ATE1: variants seen among roughly 807,000 people sequenced by gnomAD.
ATE1 encodes the protein arginyltransferase 1.
ATE1 carries 36 observed loss-of-function variants against 70.5 expected under a neutral mutation model. The ratio of observed to expected loss-of-function variants is 0.51; its 90% CI spans 0.39 to 0.67. ATE1 has a LOEUF of 0.67. Among genes scored for constraint, ATE1 ranks in the 30% least tolerant of loss-of-function variants. ATE1 has a pLI of 0.00. For missense variants in ATE1, 593 were observed against 629.5 expected (o/e 0.94, Z 0.62); for synonymous variants, 232 against 219.3 (o/e 1.06, Z -0.51).
At chr10:121,920,973 G>A (rs1240314618) in intron 3 of ATE1, among the ~76,000 whole-genome samples, 8 of 150,472 alleles carry the variant, frequency 5.3e-5, no homozygotes, top group South Asian at 2.1e-4. Flanking sequence ...CAGCCCAGGC[G>A]ACAGTGCGAG....
At chr10:121,842,063 G>A (rs1434530737) in intron 8 of ATE1, among the ~76,000 whole-genome samples, 1 of 152,166 alleles carries the variant, frequency 6.6e-6, no homozygotes, top group African/African-American at 2.4e-5. Flanking sequence ...TCAGCTCTGA[G>A]AAGGTACACA....
chr10:121,761,904 G>A (rs1389164011), intron 11 of ATE1, among the ~76,000 whole-genome samples: 1 of 152,008 alleles, frequency 6.6e-6, no homozygotes, highest in Non-Finnish European at 1.5e-5. Flanking sequence ...AACTCTCTGT[G>A]ATCCCCTACT....
chr10:121,770,233 A>AACACAC (rs3036837), intron 11 of ATE1, among the ~76,000 whole-genome samples: 43,984 of 136,610 alleles, frequency 0.32, 7,291 homozygotes, highest in East Asian at 0.4. Context: ...ACAAGAGAGA[A>AACACAC]ACACACACAC....
chr10:121,766,582 A>G (rs773006401), intron 11 of ATE1, among the ~76,000 whole-genome samples: 8 of 152,136 alleles, frequency 5.3e-5, no homozygotes, highest in Non-Finnish European at 8.8e-5. Flanking sequence ...AACTCTGAAA[A>G]GCCAACACAC....
chr10:121,921,976 A>G (rs1471876067), intron 3 of ATE1, among the ~76,000 whole-genome samples: 3 of 152,228 alleles, frequency 2.0e-5, no homozygotes. Flanking sequence ...GAACACAAGC[A>G]CTGTGTCAAG....
intron 10 of ATE1, among the ~76,000 whole-genome samples, chr10:121,831,478 G>C (rs142294911): frequency 1.3e-3 from 203 of 152,222 alleles, no homozygotes; most frequent in African/African-American, 4.6e-3. Flanking sequence ...CTGCACTCGT[G>C]TCCTGCTTCC....
At chr10:121,790,993 CAT>C (rs1245631924) in intron 10 of ATE1, among the ~76,000 whole-genome samples, 34 of 146,266 alleles carry the variant, frequency 2.3e-4, no homozygotes, top group East Asian at 1.8e-3. Context: ...TGTATACATA[CAT>C]ATATGTGTAT....
intron 11 of ATE1, among the ~76,000 whole-genome samples, chr10:121,746,432 A>G (rs1014262454): frequency 6.6e-6 from 1 of 152,206 alleles, no homozygotes; most frequent in African/African-American, 2.4e-5. Flanking sequence ...TATATTCTAC[A>G]AGACTTTTGT....
chr10:121,772,397 C>T (rs994811552), intron 11 of ATE1, among the ~76,000 whole-genome samples: 1 of 152,196 alleles, frequency 6.6e-6, no homozygotes, highest in African/African-American at 2.4e-5. Context: ...GTCATGATCA[C>T]TTTAAAATGT....
chr10:121,880,010 TA>T (rs955592098), intron 7 of ATE1, among the ~76,000 whole-genome samples: 2 of 151,994 alleles, frequency 1.3e-5, no homozygotes, highest in African/African-American at 4.8e-5. Context: ...CCAAATAACA[TA>T]AATTAGGGAT....
chr10:121,905,052 C>T (rs1218692343), intron 5 of ATE1, among the ~76,000 whole-genome samples: 1 of 152,238 alleles, frequency 6.6e-6, no homozygotes, highest in Admixed American at 6.5e-5. Flanking sequence ...TGAGCACACA[C>T]ACTCTGTCTG....
chr10:121,792,532 C>A (rs1306064800), intron 10 of ATE1, among the ~76,000 whole-genome samples: 1 of 152,182 alleles, frequency 6.6e-6, no homozygotes, highest in Non-Finnish European at 1.5e-5. Flanking sequence ...CTACCACGGG[C>A]AGCTCCAGGT....
At chr10:121,871,914 A>G (rs1949875787) in intron 7 of ATE1, among the ~76,000 whole-genome samples, 2 of 152,220 alleles carry the variant, frequency 1.3e-5, no homozygotes, top group Admixed American at 1.3e-4. Flanking sequence ...GAAATTTAAA[A>G]TGCAAGCTTT....
chr10:121,765,350 G>A (rs973776339), intron 11 of ATE1, among the ~76,000 whole-genome samples: 23 of 152,090 alleles, frequency 1.5e-4, no homozygotes, highest in Admixed American at 1.0e-3. Context: ...AAGAAAATAC[G>A]TAAGAAACAC....
intron 10 of ATE1, among the ~76,000 whole-genome samples, chr10:121,820,453 G>A (rs973688583): frequency 1.3e-5 from 2 of 152,204 alleles, no homozygotes; most frequent in African/African-American, 4.8e-5. Flanking sequence ...TGGCAAATAC[G>A]TTTGATAGCA....
At chr10:121,876,902 C>A (rs999724969) in intron 7 of ATE1, among the ~76,000 whole-genome samples, 1 of 150,208 alleles carries the variant, frequency 6.7e-6, no homozygotes, top group Non-Finnish European at 1.5e-5. Context: ...GGAGGCGGAG[C>A]TTGCAGTGAG....
chr10:121,854,439 C>A (rs559006306), intron 8 of ATE1, among the ~76,000 whole-genome samples: 3 of 152,296 alleles, frequency 2.0e-5, no homozygotes, highest in Non-Finnish European at 2.9e-5. Flanking sequence ...TTCTGGAGGT[C>A]ATCCACTGAG....
At chr10:121,904,236 C>G (rs1283949124) in intron 5 of ATE1, among the ~76,000 whole-genome samples, 1 of 151,744 alleles carries the variant, frequency 6.6e-6, no homozygotes, top group African/African-American at 2.4e-5. Flanking sequence ...CCTGCCTTGG[C>G]CTCCCAAAGT....
At chr10:121,838,994 C>T (rs1948530478) in intron 9 of ATE1, among the ~76,000 whole-genome samples, 1 of 152,042 alleles carries the variant, frequency 6.6e-6, no homozygotes, top group Non-Finnish European at 1.5e-5. Flanking sequence ...AAATCAATAA[C>T]AGAATTAGCA....
Sources: gnomAD v4.1 joint callset for allele counts (sites outside exome capture counted in the v4.1 genomes callset) on GRCh38, gnomAD v4.1.1 for gene constraint, MANE v1.5 for transcripts, NCBI Gene and HGNC (gene_info 2026-07-23, HGNC 2026-07-21) for gene names.